The following PPP2R2A variants were observed in gnomAD, a reference collection of about 807,000 sequenced individuals.
PPP2R2A encodes protein phosphatase 2 regulatory subunit Balpha, also known as serine/threonine-protein phosphatase 2A 55 kDa regulatory subunit B alpha isoform.
PPP2R2A carries 9 observed loss-of-function variants against 53.2 expected under a neutral mutation model. The ratio of observed to expected loss-of-function variants is 0.17; its 90% CI spans 0.10 to 0.30. The LOEUF is 0.30. Among genes scored for constraint, PPP2R2A ranks in the 10% least tolerant of loss-of-function variants. The pLI is 1.00. For missense variants in PPP2R2A, 235 were observed against 534.6 expected (o/e 0.44, Z 5.53); for synonymous variants, 169 against 174.2 (o/e 0.97, Z 0.23).
chr8:26,369,627 C>T (rs528874697), intron 9 of PPP2R2A, among the ~76,000 whole-genome samples: 54 of 152,298 alleles, frequency 3.5e-4, no homozygotes, highest in African/African-American at 1.2e-3. Flanking sequence ...CTCCTGACGT[C>T]GTGATCTGCC....
intron 2 of PPP2R2A, among the ~76,000 whole-genome samples, chr8:26,303,762 T>A (rs1801893050): frequency 6.6e-6 from 1 of 152,164 alleles, no homozygotes; most frequent in South Asian, 2.1e-4. Flanking sequence ...AAAAAAAAAC[T>A]CCGCTAATTT....
intron 2 of PPP2R2A, among the ~76,000 whole-genome samples, chr8:26,314,586 T>TA (rs1362666005): frequency 6.6e-6 from 1 of 152,250 alleles, no homozygotes; most frequent in African/African-American, 2.4e-5. Context: ...GTCTTTATTC[T>TA]ACTTCCACAC....
chr8:26,360,319 G>C lies in PPP2R2A; in HGVS notation c.459+38G>C, dbSNP rs762117564. The C allele has an allele frequency of 2.4e-6, 3 of 1,273,040 alleles. 1 individual carries two copies. The highest frequency in any genetic ancestry group is 2.2e-6 in the Non-Finnish European group (2 of 889,066). The allele number at this position is 1,273,040 out of a possible 1,614,324, so 78.9% of individuals were successfully genotyped here. ...GAAAAAAATGTCACAGATAGTGCTT[G>C]TATTCATATTATATAGCCCAAATCC... On this transcript the variant is annotated intron_variant, in intron 5 of 9. Coordinates refer to ENST00000380737, the MANE Select transcript of PPP2R2A (RefSeq NM_002717.4). This position sits in a 1 kb window ranked among gnomAD's most constrained non-coding sequence, Gnocchi z 4.5.
chr8:26,330,576 C>T (rs569797132), intron 2 of PPP2R2A, among the ~76,000 whole-genome samples: 4 of 152,152 alleles, frequency 2.6e-5, no homozygotes, highest in South Asian at 2.1e-4. Context: ...GTGATCCACC[C>T]GCCTCAGTGC....
At chr8:26,301,725 T>C (rs34082032) in intron 2 of PPP2R2A, among the ~76,000 whole-genome samples, 4,451 of 152,314 alleles carry the variant, frequency 0.029, 103 homozygotes, top group African/African-American at 0.061. Context: ...AGTGGTTCTC[T>C]AAATGTCGTC....
At chr8:26,364,156 C>T (rs902101250) in intron 8 of PPP2R2A, among the ~76,000 whole-genome samples, 9 of 151,850 alleles carry the variant, frequency 5.9e-5, no homozygotes, top group African/African-American at 1.9e-4. Context: ...TTTTCTGCCA[C>T]TATGTACATT....
Position 26,363,703 on chromosome 8 carries a change from G to T in PPP2R2A, c.803-18G>T. ...TTGTACACCTTGCCCTTTTTGTGTTGTTTTGTTTTGTTTTTAGTGTTTGAA... is the reference window on the plus strand; with the variant it reads ...TTGTACACCTTGCCCTTTTTGTGTTTTTTTGTTTTGTTTTTAGTGTTTGAA... On this transcript the variant is annotated intron_variant, in intron 7 of 9. Coordinates refer to ENST00000380737, the MANE Select transcript of PPP2R2A (RefSeq NM_002717.4). The T allele has an allele frequency of 1.3e-6, 2 of 1,546,730 alleles. No homozygotes were observed. The highest frequency in any genetic ancestry group is 1.8e-5 in the Admixed American group (1 of 54,372).
rs73675950 is a variant in PPP2R2A, at chr8:26,299,627, A to G, written c.82+5887A>G. Among the ~76,000 whole-genome samples the G allele has an allele frequency of 4.6e-3, 701 of 152,322 alleles. 4 individuals are homozygous for G. Among genetic ancestry groups the G allele is most frequent in the African/African-American group, 0.016 (662 of 41,576 alleles). ...AAAAATTTGAAAAACAGTCCATATT[A>G]TGATATCTCACACAATTTAATGGTT... is the stretch of plus-strand genomic sequence containing the variant. On this transcript the variant is annotated intron_variant, in intron 2 of 9. Transcript: ENST00000380737.
intron 2 of PPP2R2A, among the ~76,000 whole-genome samples, chr8:26,330,210 T>C (rs1360989612): frequency 6.6e-6 from 1 of 152,218 alleles, no homozygotes; most frequent in East Asian, 1.9e-4. Flanking sequence ...TCTTATCCAA[T>C]GTATCTTTCA....
At chr8:26,332,004 A>T (rs1803403015) in intron 2 of PPP2R2A, among the ~76,000 whole-genome samples, 1 of 152,194 alleles carries the variant, frequency 6.6e-6, no homozygotes, top group Non-Finnish European at 1.5e-5. Context: ...TAAGGAATGG[A>T]TCCTACATCA....
chr8:26,342,887 T>A (rs1333053167), intron 3 of PPP2R2A, among the ~76,000 whole-genome samples: 1 of 152,208 alleles, frequency 6.6e-6, no homozygotes, highest in Non-Finnish European at 1.5e-5. Flanking sequence ...AATGTTTGCA[T>A]GTATTTAAAA....
intron 2 of PPP2R2A, among the ~76,000 whole-genome samples, chr8:26,331,062 A>T (rs1015973757): frequency 2.0e-5 from 3 of 152,076 alleles, no homozygotes; most frequent in African/African-American, 7.2e-5. Flanking sequence ...AGATGCCCAG[A>T]TCAGTATTCA....
chr8:26,296,152 T>G (rs572516267), intron 2 of PPP2R2A, among the ~76,000 whole-genome samples: 1 of 152,368 alleles, frequency 6.6e-6, no homozygotes, highest in South Asian at 2.1e-4. Context: ...AGTAAGTTCC[T>G]AAATTATTCC....
At position 26,351,406 on chromosome 8, in the gene PPP2R2A, G is replaced by T. The variant is rs996648386; in HGVS notation, c.181-3062G>T. Among the ~76,000 whole-genome samples, 4 of 152,106 alleles carry T rather than the reference G, an allele frequency of 2.6e-5. No homozygotes were observed. The East Asian group carries it at 7.7e-4, about 29-fold the overall frequency. On this transcript the variant is annotated intron_variant, in intron 3 of 9. Transcript: ENST00000380737. ...AAATTTAAATTATTAAAAATAAATT[G>T]TAGAATTAACTTCCTTAGTTGCAGT...
chr8:26,345,564 A>C (rs1804169283), intron 3 of PPP2R2A, among the ~76,000 whole-genome samples: 1 of 152,136 alleles, frequency 6.6e-6, no homozygotes, highest in African/African-American at 2.4e-5. Context: ...CATGTCATTC[A>C]GTTTTCTGTA....
chr8:26,360,063 T>G lies in PPP2R2A; in HGVS notation c.347-106T>G. 1 of 605,600 alleles carries G rather than the reference T, an allele frequency of 1.7e-6. No homozygotes were observed. The highest frequency in any genetic ancestry group is 2.8e-6 in the Non-Finnish European group (1 of 359,492). 37.5% of individuals were successfully genotyped at this position (605,600 alleles called of 1,614,324 possible). A position where few individuals can be genotyped will look rare whatever the true frequency, so the allele number is the denominator to read the frequency against. On this transcript the variant is annotated intron_variant, in intron 4 of 9. Coordinates refer to ENST00000380737, the MANE Select transcript of PPP2R2A (RefSeq NM_002717.4). The surrounding 1 kb of genome is among the most constrained non-coding windows in gnomAD (Gnocchi z 4.5). ...TAAGTTCAGATTAGGGTTTTTTTTT[T>G]TTTCGTGGAATCCTTTTACGTGAAA...
intron 2 of PPP2R2A, among the ~76,000 whole-genome samples, chr8:26,326,437 A>G (rs373183057): frequency 7.9e-5 from 12 of 152,202 alleles, no homozygotes; most frequent in African/African-American, 2.9e-4. Context: ...TTTTCTCTAA[A>G]TATTTTGCCT....
chr8:26,326,568 A>T (rs1199096717), intron 2 of PPP2R2A, among the ~76,000 whole-genome samples: 1 of 152,238 alleles, frequency 6.6e-6, no homozygotes, highest in East Asian at 1.9e-4. Context: ...GCATAGCCAT[A>T]GTAATCCTAA....
rs1467501750 is a variant in PPP2R2A, at chr8:26,372,052, AAAG to A, written c.*1642_*1644del. 1 of 152,228 alleles carries A rather than the reference AAAG, an allele frequency of 6.6e-6. No homozygotes were observed. Among genetic ancestry groups the A allele is most frequent in the Non-Finnish European group, 1.5e-5 (1 of 68,036 alleles). 9.4% of individuals were successfully genotyped at this position (152,228 alleles called of 1,614,324 possible). ...TATTGTTCTATTCTTCAATAATGAA[AAAG>A]AATTCAACGAGCCGACCGTGATTCC... is the stretch of plus-strand genomic sequence containing the variant. On this transcript the variant is annotated 3_prime_UTR_variant, in exon 10 of 10. Coordinates refer to ENST00000380737, the MANE Select transcript of PPP2R2A (RefSeq NM_002717.4).
Sources: allele counts gnomAD v4.1 joint callset (sites outside exome capture counted in the v4.1 genomes callset), GRCh38; gene constraint gnomAD v4.1.1; non-coding constraint Gnocchi (gnomAD v3.1); transcripts MANE v1.5; gene names NCBI Gene and HGNC (gene_info 2026-07-23, HGNC 2026-07-21).